The following COL9A3 variants were observed in gnomAD, a reference collection of about 807,000 sequenced individuals.
COL9A3 encodes collagen type IX alpha 3 chain, also known as collagen alpha-3(IX) chain.
A neutral mutation model predicts 110.2 loss-of-function variants in COL9A3; 82 were observed. The observed-to-expected ratio is 0.74, with a 90% CI of 0.62 to 0.89. COL9A3 has a LOEUF of 0.89. COL9A3 is among the 40% of genes least tolerant of loss of function. The pLI, the probability that COL9A3 is intolerant of heterozygous loss-of-function variation, is 0.00. For synonymous variants in COL9A3, 494 were observed against 403.8 expected, an observed-to-expected ratio of 1.22 and a Z score of -2.68; for missense variants, 1,066 against 981.3, an observed-to-expected ratio of 1.09 and a Z score of -1.15.
In COL9A3 at chr20:62,828,724, G is replaced by A. The variant is rs759365211; in HGVS notation, c.901-40G>A. The A allele has an allele frequency of 3.0e-5, 49 of 1,609,476 alleles. No individual in the cohort carries two copies. The Middle Eastern group carries it at 8.3e-4, about 27-fold the overall frequency. On this transcript the variant is annotated intron_variant, in intron 17 of 31. Transcript: ENST00000649368. ...GCAGGACTGTAGAGGGAGGGAGGGG[G>A]GCCACTGCCCGACGGGCCTTACTCA...
chr20:62,832,342 C>T (rs2063603343), intron 25 of COL9A3, among the ~76,000 whole-genome samples, 153 bp downstream of exon 25: 1 of 152,284 alleles, frequency 6.6e-6, no homozygotes, highest in African/African-American at 2.4e-5. Context: ...CCCTTTCTGG[C>T]TCCTGCCCCT....
At chr20:62,824,757 G>A (rs1248813708) in intron 11 of COL9A3, among the ~76,000 whole-genome samples, 2 of 152,280 alleles carry the variant, frequency 1.3e-5, no homozygotes, top group Non-Finnish European at 2.9e-5. Context: ...CCCCAGCCCA[G>A]CCCTGGCCCG....
chr20:62,839,710 TCC>T (rs1568767923), intron 31 of COL9A3, among the ~76,000 whole-genome samples: 4 of 45,352 alleles, frequency 8.8e-5, no homozygotes, highest in African/African-American at 4.7e-4. Context: ...CCCTCTCCTC[TCC>T]TCCACCCACC....
At position 62,832,158 on chromosome 20, in the gene COL9A3, C is replaced by T. The variant is rs751342015; in HGVS notation, c.1292C>T (p.Pro431Leu). ...GLRGDVGDRG[P>L]GGAAGPKGDQ... ...GAGCCTTCTCTCCACATCCAGGGTC[C>T]GGGAGGTGCCGCAGGCCCTAAGGGA... Residue 431 changes from proline to leucine, a missense_variant, in exon 25 of 32, where the codon CCG becomes CTG. Physicochemically the swap from Pro to Leu is moderately conservative, Grantham distance 98 (BLOSUM62 -3). Coordinates refer to ENST00000649368, the MANE Select transcript of COL9A3 (RefSeq NM_001853.4). The T allele has an allele frequency of 5.1e-5, 83 of 1,612,832 alleles. 3 individuals carry two copies. In the South Asian group the frequency reaches 7.6e-4, roughly 15 times the overall value.
chr20:62,836,195 T>C lies in COL9A3; in HGVS notation c.1410T>C (p.Ser470=). The C allele has an allele frequency of 6.2e-7, 1 of 1,613,300 alleles. No homozygotes were observed. The highest frequency in any genetic ancestry group is 8.5e-7 in the Non-Finnish European group (1 of 1,179,928). The change falls in exon 28 of 32, where the codon AGT becomes AGC. Residue 470 remains serine (S), a synonymous_variant. Transcript: ENST00000649368. ...GLVGPKGESG[S]RGELGPKGTQ... Reference sequence around the variant, plus strand: ...CCTCTGTTCCTCTGCAGTCTGGCAGTCGAGGGGAGCTGGGCCCCAAAGGCA... The same window carrying C: ...CCTCTGTTCCTCTGCAGTCTGGCAGCCGAGGGGAGCTGGGCCCCAAAGGCA...
rs1991030533 is a variant in COL9A3 at position 62,819,070 on chromosome 20, C to T, written c.184-152C>T. The T allele has an allele frequency of 9.9e-6, 8 of 806,848 alleles. No homozygotes were observed. In the Admixed American group the frequency reaches 1.0e-4, roughly 10 times the overall value. The allele number at this position is 806,848 out of a possible 1,614,324, so 50.0% of individuals were successfully genotyped here. A position where few individuals can be genotyped will look rare whatever the true frequency, so the allele number is the denominator to read the frequency against. Reference sequence around the variant, plus strand: ...CAGGACACACGTGCCCCAGCTGAGCCGGGTCTGCCAGACAGTAGGGGGGAC... The same window carrying T: ...CAGGACACACGTGCCCCAGCTGAGCTGGGTCTGCCAGACAGTAGGGGGGAC... On this transcript the variant is annotated intron_variant, in intron 3 of 31. Coordinates refer to ENST00000649368, the MANE Select transcript of COL9A3 (RefSeq NM_001853.4).
intron 19 of COL9A3, among the ~76,000 whole-genome samples, chr20:62,829,237 C>T (rs770053344): frequency 5.3e-5 from 8 of 152,192 alleles, no homozygotes; most frequent in Non-Finnish European, 7.4e-5. Context: ...GGATGCCGTG[C>T]GGTCATCACC....
intron 26 of COL9A3, among the ~76,000 whole-genome samples, chr20:62,834,046 G>A (rs2147223732): frequency 6.6e-6 from 1 of 152,180 alleles, no homozygotes; most frequent in African/African-American, 2.4e-5. Flanking sequence ...GCTAATGTTT[G>A]TATTTTTAGT....
rs909010928 is a variant in COL9A3 at position 62,832,202 on chromosome 20, C to T, written c.1323+13C>T. On this transcript the variant is annotated intron_variant, in intron 25 of 31. Transcript: ENST00000649368. ...TAAGGGAGACCAGGTGAGCTGGGCA[C>T]AGGCTGGGGCAAAAGGAATGAAGGC... 1.2e-6 allele frequency: 2 copies of T among 1,612,408 alleles called. No individual in the cohort carries two copies. Among genetic ancestry groups the T allele is most frequent in the Admixed American group, 1.7e-5 (1 of 60,032 alleles).
chr20:62,834,506 C>G (rs1053899179), intron 26 of COL9A3, among the ~76,000 whole-genome samples: 3 of 152,210 alleles, frequency 2.0e-5, no homozygotes, highest in Non-Finnish European at 2.9e-5. Flanking sequence ...ATGATTAAGT[C>G]TTTCCTTTGC....
chr20:62,826,964 A>G (rs572051384), intron 15 of COL9A3, 144 bp downstream of exon 15: 214 of 918,878 alleles, frequency 2.3e-4, no homozygotes, highest in Non-Finnish European at 3.0e-4. Flanking sequence ...GGCTTGTGGC[A>G]TGGGTACGGG....
At position 62,840,359 on chromosome 20, in the gene COL9A3, C is replaced by A. The variant is rs556891464; in HGVS notation, c.1865-183C>A. 2.0e-5 allele frequency among the ~76,000 whole-genome samples: 3 copies of A among 151,578 alleles called. No homozygotes were observed. In the South Asian group the frequency reaches 6.2e-4, roughly 32 times the overall value. On this transcript the variant is annotated intron_variant, in intron 31 of 31. Coordinates refer to ENST00000649368, the MANE Select transcript of COL9A3 (RefSeq NM_001853.4). ...CCGCGCCTGGCCTTCCCCGGACACT[C>A]CCGACCGCCAGCCCCGCGGAGAGCC...
intron 12 of COL9A3, 139 bp from the exon 13 acceptor site, chr20:62,825,678 C>A: frequency 1.1e-6 from 1 of 869,860 alleles, no homozygotes; most frequent in Non-Finnish European, 1.9e-6. Flanking sequence ...CAAGTGTCCC[C>A]TTCACAGAGC....
intron 31 of COL9A3, 83 bp downstream of exon 31, chr20:62,838,844 A>G (rs2147231972): frequency 9.1e-7 from 1 of 1,104,330 alleles, no homozygotes; most frequent in Non-Finnish European, 1.4e-6. Flanking sequence ...TGCTTGGGTT[A>G]TGAATGGGTC....
intron 10 of COL9A3, among the ~76,000 whole-genome samples, chr20:62,823,711 C>G (rs2063528073): frequency 6.6e-6 from 1 of 152,254 alleles, no homozygotes; most frequent in African/African-American, 2.4e-5. Context: ...CCCTGGGTTT[C>G]CTGAGCATCA....
intron 5 of COL9A3, among the ~76,000 whole-genome samples, chr20:62,820,191 A>G (rs1991073959): frequency 6.6e-6 from 1 of 151,874 alleles, no homozygotes; most frequent in Non-Finnish European, 1.5e-5. Context: ...GTATGGTCAG[A>G]GTTGTCCTGG....
chr20:62,830,174 T>TCCAGGG (rs2147216562), intron 22 of COL9A3, among the ~76,000 whole-genome samples, 186 bp from the exon 23 acceptor site: 1 of 152,068 alleles, frequency 6.6e-6, no homozygotes, highest in Non-Finnish European at 1.5e-5. Context: ...TATGCCTGAG[T>TCCAGGG]TCTGAGACCC....
At position 62,817,052 on chromosome 20, in the gene COL9A3, A is replaced by C; in HGVS notation, c.-13A>C. ...CGCCCGCCCCGACGCCGCAGCTCAG[A>C]CTCCGCTCAGCCATGGCCGGGCCGC... is the stretch of plus-strand genomic sequence containing the variant. On this transcript the variant is annotated 5_prime_UTR_variant, in exon 1 of 32. Coordinates refer to ENST00000649368, the MANE Select transcript of COL9A3 (RefSeq NM_001853.4). 1.5e-6 allele frequency: 2 copies of C among 1,324,746 alleles called. No individual in the cohort carries two copies. Among genetic ancestry groups the C allele is most frequent in the East Asian group, 3.6e-5 (1 of 28,092 alleles). 82.1% of individuals were successfully genotyped at this position (1,324,746 alleles called of 1,614,324 possible).
chr20:62,830,267 A>G lies in COL9A3; in HGVS notation c.1162-93A>G. On this transcript the variant is annotated intron_variant, in intron 22 of 31. Coordinates refer to ENST00000649368, the MANE Select transcript of COL9A3 (RefSeq NM_001853.4). The stretch of plus-strand genomic sequence containing the variant: ...TTAGAACCGGCTCCTGTGTCCACCC[A>G]CTCTGGGGGAAGGCTGAGCCAGGCT... 2.1e-6 allele frequency: 3 copies of G among 1,424,990 alleles called. No individual in the cohort carries two copies. In the Admixed American group the frequency reaches 5.9e-5, roughly 28 times the overall value. The allele number at this position is 1,424,990 out of a possible 1,614,324, so 88.3% of individuals were successfully genotyped here. A position where few individuals can be genotyped will look rare whatever the true frequency, so the allele number is the denominator to read the frequency against.
Sources: allele counts gnomAD v4.1 joint callset (sites outside exome capture counted in the v4.1 genomes callset), GRCh38; gene constraint gnomAD v4.1.1; transcripts MANE v1.5; gene names NCBI Gene and HGNC (gene_info 2026-07-23, HGNC 2026-07-21).